TFB1M: variants seen among roughly 807,000 people sequenced by gnomAD.
TFB1M encodes the protein dimethyladenosine transferase 1, mitochondrial.
A neutral mutation model predicts 31.1 loss-of-function variants in TFB1M; 27 were observed. The ratio of observed to expected loss-of-function variants is 0.87; its 90% CI spans 0.64 to 1.20. The LOEUF (loss-of-function observed/expected upper bound fraction) is 1.20. Ranked by LOEUF, TFB1M falls within the 50% of genes most tolerant of loss-of-function variation. TFB1M has a pLI of 0.00. For synonymous variants in TFB1M, 166 were observed against 151.8 expected (o/e 1.09, Z -0.69); for missense variants, 394 against 418.7 (o/e 0.94, Z 0.51).
chr6:155,251,788 G>A (rs571113745), downstream of TFB1M, among the ~76,000 whole-genome samples: 3 of 152,294 alleles, frequency 2.0e-5, no homozygotes, highest in Admixed American at 6.5e-5. Context: ...AAATATGAGC[G>A]AAAGGGAAGT....
the TFB1M span, chr6:155,250,898 G>C: frequency 6.2e-7 from 1 of 1,612,958 alleles, no homozygotes; most frequent in Non-Finnish European, 8.5e-7. Flanking sequence ...CTTACCTCCT[G>C]TTTTTACAAT....
At chr6:155,250,899 T>C in the TFB1M span, 4 of 1,613,138 alleles carry the variant, frequency 2.5e-6, no homozygotes, top group East Asian at 4.5e-5. Context: ...TTACCTCCTG[T>C]TTTTACAATC....
chr6:155,290,610 G>T (rs1776875528), intron 4 of TFB1M, among the ~76,000 whole-genome samples: 1 of 151,998 alleles, frequency 6.6e-6, no homozygotes, highest in Non-Finnish European at 1.5e-5. Flanking sequence ...AATTGCATAT[G>T]GTGAAGTCGA....
At chr6:155,274,579 T>C in intron 5 of TFB1M, among the ~76,000 whole-genome samples, 1 of 152,248 alleles carries the variant, frequency 6.6e-6, no homozygotes, top group Non-Finnish European at 1.5e-5. Flanking sequence ...TGGTCCCAAT[T>C]AGAAAGGACC....
At chr6:155,287,325 C>T (rs183059821) in intron 4 of TFB1M, among the ~76,000 whole-genome samples, 77 of 151,212 alleles carry the variant, frequency 5.1e-4, no homozygotes, top group African/African-American at 1.8e-3. Context: ...CTTACACGGG[C>T]GATAGGTATA....
intron 2 of TFB1M, among the ~76,000 whole-genome samples, chr6:155,307,158 CACACACACAT>C (rs1156565002): frequency 7.0e-4 from 106 of 151,894 alleles, no homozygotes; most frequent in African/African-American, 2.5e-3. Context: ...CACACACACA[CACACACACAT>C]ATACACACAG....
chr6:155,240,560 A>G, the TFB1M span: 1 of 1,614,050 alleles, frequency 6.2e-7, no homozygotes, highest in South Asian at 1.1e-5. Flanking sequence ...ACTGTGCAGG[A>G]GTTTTAACGA....
At position 155,297,108 on chromosome 6, in the gene TFB1M, GTGGCAGAGGAAAAAACAACC is replaced by G; in HGVS notation, c.395-24_395-5del. 3 of 1,613,022 alleles carry G rather than the reference GTGGCAGAGGAAAAAACAACC, an allele frequency of 1.9e-6. No homozygotes were observed. The highest frequency in any genetic ancestry group is 2.5e-6 in the Non-Finnish European group (3 of 1,179,902). On this transcript the variant is annotated splice_polypyrimidine_tract_variant and splice_region_variant and intron_variant, in intron 3 of 6. Coordinates refer to ENST00000367166, the MANE Select transcript of TFB1M (RefSeq NM_016020.4). ...ATAATATGTACATTTGGAGGATCTG[GTGGCAGAGGAAAAAACAACC>G]TGAAATGATTCCATCAATATATTCT...
At chr6:155,280,677 A>C (rs532744030) in intron 5 of TFB1M, among the ~76,000 whole-genome samples, 7 of 152,334 alleles carry the variant, frequency 4.6e-5, no homozygotes, top group African/African-American at 1.7e-4. Context: ...ACCTCATACC[A>C]AAATGATTCT....
At chr6:155,313,916 TAAACTGCATGTAAAG>T (rs1278004287) in intron 1 of TFB1M, among the ~76,000 whole-genome samples, 1 of 152,242 alleles carries the variant, frequency 6.6e-6, no homozygotes, top group Non-Finnish European at 1.5e-5. Context: ...CTGGTAACTT[TAAACTGCATGTAAAG>T]CAACTGCAGT....
chr6:155,272,551 G>A (rs952359633), intron 5 of TFB1M, among the ~76,000 whole-genome samples: 2 of 151,832 alleles, frequency 1.3e-5, no homozygotes, highest in African/African-American at 4.8e-5. Flanking sequence ...GGAACAAAGT[G>A]TGCCTTTATT....
intron 2 of TFB1M, among the ~76,000 whole-genome samples, chr6:155,310,527 A>G (rs140069447): frequency 1.3e-5 from 2 of 152,278 alleles, no homozygotes; most frequent in Non-Finnish European, 2.9e-5. Flanking sequence ...ATGTGCTGCT[A>G]TATACACTCT....
At chr6:155,299,951 T>A (rs1777352013) in intron 2 of TFB1M, among the ~76,000 whole-genome samples, 1 of 152,210 alleles carries the variant, frequency 6.6e-6, no homozygotes, top group Non-Finnish European at 1.5e-5. Flanking sequence ...CATATGCTCC[T>A]TAAGGGCAGG....
rs201979145 is a variant in TFB1M, at chr6:155,256,830, C to T, written c.*1006G>A. ...TTTCCGAGGACCCAGACGTTCACCC[C>T]GAGGCTGAGCAGCAGCCTGGCCCGG... On this transcript the variant is annotated 3_prime_UTR_variant, in exon 7 of 7. Coordinates refer to ENST00000367166, the MANE Select transcript of TFB1M (RefSeq NM_016020.4). The T allele has an allele frequency of 3.1e-5, 50 of 1,614,170 alleles. No homozygotes were observed. Among genetic ancestry groups the T allele is most frequent in the East Asian group, 1.8e-4 (8 of 44,876 alleles).
At chr6:155,312,749 A>T (rs1778068762) in intron 1 of TFB1M, among the ~76,000 whole-genome samples, 1 of 151,996 alleles carries the variant, frequency 6.6e-6, no homozygotes, top group Non-Finnish European at 1.5e-5. Flanking sequence ...TTTGAAACTT[A>T]CTCCTGAAGA....
intron 2 of TFB1M, among the ~76,000 whole-genome samples, chr6:155,309,593 T>C (rs1310507907): frequency 3.3e-5 from 5 of 152,222 alleles, no homozygotes; most frequent in African/African-American, 1.2e-4. Context: ...TGAATGGAAA[T>C]CTGGTTCACC....
At position 155,314,389 on chromosome 6, in the gene TFB1M, G is replaced by C. The variant is rs201115540; in HGVS notation, c.40C>G (p.Pro14Ala). The part of the protein sequence containing the change: ...SGKLSTCRLP[P>A]LPTIREIIKL... Reference sequence around the variant, plus strand: ...ATGATTTCTCGAATCGTGGGCAACGGAGGGAGACGGCAAGTGCTGAGTTTT... The same window carrying C: ...ATGATTTCTCGAATCGTGGGCAACGCAGGGAGACGGCAAGTGCTGAGTTTT... Residue 14 changes from proline to alanine, a missense_variant, in exon 1 of 7, where the codon CCG becomes GCG. By Grantham distance (27) the Pro-to-Ala change is conservative. Around this residue, in one of 3 missense-constraint regions of TFB1M, gnomAD observed 273 missense variants for 256.4 expected, o/e 1.06. Coordinates refer to ENST00000367166, the MANE Select transcript of TFB1M (RefSeq NM_016020.4). 1.3e-4 allele frequency: 211 copies of C among 1,614,122 alleles called. No individual in the cohort carries two copies. The highest frequency in any genetic ancestry group is 5.0e-5 in the Admixed American group (3 of 60,018).
In TFB1M at chr6:155,310,655, C is replaced by T. The variant is rs145588173; in HGVS notation, c.285+533G>A. Among the ~76,000 whole-genome samples the T allele has an allele frequency of 3.7e-3, 559 of 152,248 alleles. 2 individuals are homozygous for T. Among genetic ancestry groups the T allele is most frequent in the African/African-American group, 0.012 (510 of 41,550 alleles). Reference sequence around the variant, plus strand: ...TGTATCATTTCATTTAAACCTCATCCTAAATCTATAAAAGTACAACTTCCT... The same window carrying T: ...TGTATCATTTCATTTAAACCTCATCTTAAATCTATAAAAGTACAACTTCCT... On this transcript the variant is annotated intron_variant, in intron 2 of 6. Transcript: ENST00000367166.
At chr6:155,260,135 G>T in intron 6 of TFB1M, 138 bp downstream of exon 6, 1 of 1,004,098 alleles carries the variant, frequency 1.0e-6, no homozygotes, top group Non-Finnish European at 1.5e-6. Flanking sequence ...CATTGGCAGT[G>T]AAGTCTTGTC....
Sources: allele counts gnomAD v4.1 joint callset (sites outside exome capture counted in the v4.1 genomes callset), GRCh38; gene constraint gnomAD v4.1.1; regional missense constraint gnomAD v4.1.1; transcripts MANE v1.5; gene names NCBI Gene and HGNC (gene_info 2026-07-23, HGNC 2026-07-21).